PRDM6: variants seen among roughly 807,000 people sequenced by gnomAD.
The protein encoded by PRDM6 is PR/SET domain 6.
Under a neutral mutation model 60.8 loss-of-function variants are expected in PRDM6, and 25 were observed. That is an observed-to-expected ratio of 0.41 (90% CI 0.30 to 0.57). The LOEUF (loss-of-function observed/expected upper bound fraction) is 0.57, where lower values mean the gene tolerates loss of function less well. PRDM6 is among the 20% of genes least tolerant of loss of function. The pLI is 0.27. For missense variants in PRDM6, 839 were observed against 821.3 expected, an observed-to-expected ratio of 1.02 and a Z score of -0.26; for synonymous variants, 407 against 357.4, an observed-to-expected ratio of 1.14 and a Z score of -1.57.
In PRDM6 at chr5:123,189,210, G is replaced by A. The variant is rs1244718038; in HGVS notation, c.*2009G>A. 2 of 152,360 alleles carry A rather than the reference G, an allele frequency of 1.3e-5. No individual in the cohort carries two copies. Among genetic ancestry groups the A allele is most frequent in the East Asian group, 3.9e-4 (2 of 5,190 alleles). The allele number at this position is 152,360 out of a possible 1,614,324, so 9.4% of individuals were successfully genotyped here. A position where few individuals can be genotyped will look rare whatever the true frequency, so the allele number is the denominator to read the frequency against. Reference sequence around the variant, plus strand: ...CGTCACTGGGAAGTGTGAATGAAATGTAGCCATATTAACCTGAAACCTGCA... The same window carrying A: ...CGTCACTGGGAAGTGTGAATGAAATATAGCCATATTAACCTGAAACCTGCA... On this transcript the variant is annotated 3_prime_UTR_variant, in exon 8 of 8. Transcript: ENST00000407847.
chr5:123,174,440 A>G (rs1765960515), intron 6 of PRDM6, among the ~76,000 whole-genome samples: 2 of 152,234 alleles, frequency 1.3e-5, no homozygotes, highest in African/African-American at 2.4e-5. Context: ...ACCAGGTACA[A>G]GAAAGGCAAG....
At chr5:123,159,727 C>G in intron 5 of PRDM6, 89 bp downstream of exon 5, 1 of 1,282,344 alleles carries the variant, frequency 7.8e-7, no homozygotes, top group Non-Finnish European at 1.1e-6. Flanking sequence ...ACTCATGAAA[C>G]GTGGTTCACT....
At chr5:123,096,098 TAGAC>T (rs976888296) in intron 2 of PRDM6, among the ~76,000 whole-genome samples, 1 of 152,178 alleles carries the variant, frequency 6.6e-6, no homozygotes, top group African/African-American at 2.4e-5. Flanking sequence ...CAGAGACGCT[TAGAC>T]AGGAGCATTG....
At chr5:123,111,404 G>A (rs921713147) in intron 3 of PRDM6, among the ~76,000 whole-genome samples, 4 of 152,068 alleles carry the variant, frequency 2.6e-5, no homozygotes, top group Admixed American at 2.6e-4. Context: ...CTATCCTTAA[G>A]AAACAAAACG....
rs575741713 is a variant in PRDM6 at position 123,174,612 on chromosome 5, A to G, written c.1496+3504A>G. On this transcript the variant is annotated intron_variant, in intron 6 of 7. Coordinates refer to ENST00000407847, the MANE Select transcript of PRDM6 (RefSeq NM_001136239.4). ...CCAGATATTTCAACCTCCATCCAAGAGACTTTGTGTCTGTATTCATGAGCT... is the reference window on the plus strand; with the variant it reads ...CCAGATATTTCAACCTCCATCCAAGGGACTTTGTGTCTGTATTCATGAGCT... Among the ~76,000 whole-genome samples the G allele has an allele frequency of 1.2e-4, 18 of 152,296 alleles. No individual in the cohort carries two copies. In the South Asian group the frequency reaches 2.7e-3, roughly 23 times the overall value.
intron 3 of PRDM6, among the ~76,000 whole-genome samples, chr5:123,143,470 C>G (rs1765167733): frequency 6.6e-6 from 1 of 152,174 alleles, no homozygotes; most frequent in Non-Finnish European, 1.5e-5. Context: ...TCTTTGGGGT[C>G]TGATGTGAGC....
At chr5:123,090,780 C>T (rs898082132) in intron 2 of PRDM6, among the ~76,000 whole-genome samples, 174 bp downstream of exon 2, 1 of 152,202 alleles carries the variant, frequency 6.6e-6, no homozygotes, top group Admixed American at 6.5e-5. Flanking sequence ...CAAAAGTTTT[C>T]TGGCGTTGGA....
chr5:123,096,104 G>C (rs1419351455), intron 2 of PRDM6, among the ~76,000 whole-genome samples: 1 of 412 alleles, frequency 2.4e-3, no homozygotes, highest in Non-Finnish European at 8.2e-3. Flanking sequence ...CGCTTAGACA[G>C]GAGCATTGAC....
At chr5:123,165,215 T>A (rs1355423982) in intron 5 of PRDM6, among the ~76,000 whole-genome samples, 1 of 152,200 alleles carries the variant, frequency 6.6e-6, no homozygotes, top group Admixed American at 6.5e-5. Flanking sequence ...CACTTCCATG[T>A]CTCACATGCA....
At chr5:123,115,247 G>C (rs1282694182) in intron 3 of PRDM6, among the ~76,000 whole-genome samples, 3 of 152,194 alleles carry the variant, frequency 2.0e-5, no homozygotes, top group African/African-American at 7.2e-5. Flanking sequence ...CAGTAGTGTA[G>C]TGACGTTGGA....
Position 123,190,538 on chromosome 5 carries a change from T to C in PRDM6, c.*3337T>C, listed in dbSNP as rs959614557. ...TATATAATTTGATTCAGTTGGTACA[T>C]TTTTTATTGTGTTCATTTAAATGTA... On this transcript the variant is annotated 3_prime_UTR_variant, in exon 8 of 8. Coordinates refer to ENST00000407847, the MANE Select transcript of PRDM6 (RefSeq NM_001136239.4). 1 of 152,204 alleles carries C rather than the reference T, an allele frequency of 6.6e-6. No homozygotes were observed. Among genetic ancestry groups the C allele is most frequent in the African/African-American group, 2.4e-5 (1 of 41,452 alleles). 9.4% of individuals were successfully genotyped at this position (152,204 alleles called of 1,614,324 possible).
intron 5 of PRDM6, among the ~76,000 whole-genome samples, chr5:123,168,105 A>G (rs982537365): frequency 2.6e-5 from 4 of 152,202 alleles, no homozygotes; most frequent in African/African-American, 4.8e-5. Context: ...AAAAGTAACA[A>G]TCTGTGTGCC....
At chr5:123,098,732 C>G (rs982393909) in intron 2 of PRDM6, among the ~76,000 whole-genome samples, 2 of 152,250 alleles carry the variant, frequency 1.3e-5, no homozygotes, top group East Asian at 3.8e-4. Context: ...GGTGCCTTCT[C>G]TAACAATTAG....
At chr5:123,101,041 C>G (rs529111418) in intron 3 of PRDM6, among the ~76,000 whole-genome samples, 8 of 152,284 alleles carry the variant, frequency 5.3e-5, no homozygotes, top group Non-Finnish European at 8.8e-5. Flanking sequence ...ATTAATGCAT[C>G]GTTTCTGCAA....
intron 2 of PRDM6, among the ~76,000 whole-genome samples, chr5:123,094,432 T>TTC (rs3037346): frequency 0.06 from 8,910 of 147,990 alleles, 787 homozygotes; most frequent in African/African-American, 0.2. Context: ...GCTTTTGTGT[T>TTC]TCTCTCTCTC....
intron 3 of PRDM6, among the ~76,000 whole-genome samples, chr5:123,154,353 C>T (rs2126871535): frequency 6.6e-6 from 1 of 152,280 alleles, no homozygotes; most frequent in East Asian, 1.9e-4. Flanking sequence ...TCTCTTCACT[C>T]TGCTCAAGCT....
intron 6 of PRDM6, 57 bp from the exon 7 acceptor site, chr5:123,180,090 G>T: frequency 6.9e-7 from 1 of 1,455,444 alleles, no homozygotes; most frequent in South Asian, 1.4e-5. Context: ...ATATGATTCT[G>T]ACTTCCACTG....
At chr5:123,089,896 G>C (rs906394256) in intron 1 of PRDM6, 104 bp from the exon 2 acceptor site, 2 of 863,526 alleles carry the variant, frequency 2.3e-6, no homozygotes, top group Non-Finnish European at 3.5e-6. Context: ...GCGGCCGCCG[G>C]CTGAACCACC....
intron 6 of PRDM6, among the ~76,000 whole-genome samples, chr5:123,175,723 C>G (rs1043766380): frequency 6.6e-6 from 1 of 152,166 alleles, no homozygotes; most frequent in Admixed American, 6.5e-5. Flanking sequence ...CCCAACTGAA[C>G]AAGTTTTGTC....
Sources: gnomAD v4.1 joint callset for allele counts (sites outside exome capture counted in the v4.1 genomes callset) on GRCh38, gnomAD v4.1.1 for gene constraint, MANE v1.5 for transcripts, NCBI Gene and HGNC (gene_info 2026-07-23, HGNC 2026-07-21) for gene names.